The following PTPRD variants were observed in gnomAD, a reference collection of about 807,000 sequenced individuals.
PTPRD encodes protein tyrosine phosphatase receptor type D.
In PTPRD, 34 loss-of-function variants were observed where a neutral mutation model predicts 214.5. The observed-to-expected ratio is 0.16, with a 90% CI of 0.12 to 0.21. The LOEUF (loss-of-function observed/expected upper bound fraction) is 0.21. PTPRD is among the 10% of genes least tolerant of loss of function. The pLI is 1.00. For missense variants in PTPRD, 2,545 were observed against 2,398.7 expected, an observed-to-expected ratio of 1.06 and a Z score of -1.27; for synonymous variants, 1,128 against 845.7, an observed-to-expected ratio of 1.33 and a Z score of -5.79.
At chr9:9,842,439 G>A (rs372037319) in intron 5 of PTPRD, among the ~76,000 whole-genome samples, 12 of 150,012 alleles carry the variant, frequency 8.0e-5, no homozygotes, top group African/African-American at 2.7e-4. Flanking sequence ...AATATTGATA[G>A]CTATTAACCA....
chr9:8,400,501 A>C (rs1381803081), intron 36 of PTPRD, among the ~76,000 whole-genome samples: 2 of 152,210 alleles, frequency 1.3e-5, no homozygotes, highest in Non-Finnish European at 2.9e-5. Context: ...TAGGAAATGA[A>C]GTTCTAAAAC....
At position 9,946,108 on chromosome 9, in the gene PTPRD, G is replaced by C. The variant is rs546037805; in HGVS notation, c.-471-7498C>G. 2.4e-3 allele frequency among the ~76,000 whole-genome samples: 169 copies of C among 70,094 alleles called. 1 individual carries two copies. The highest frequency in any genetic ancestry group is 4.2e-3 in the South Asian group (9 of 2,146). The allele number at this position is 70,094 out of a possible 152,430, so 46.0% of individuals were successfully genotyped here. ...CAAGCTGGACACTGTTTACAGAGGA[G>C]TACTTAAATCTGCCATGCATACTAA... is the stretch of plus-strand genomic sequence containing the variant. On this transcript the variant is annotated intron_variant, in intron 4 of 45. Coordinates refer to ENST00000381196, the MANE Select transcript of PTPRD (RefSeq NM_002839.4).
intron 4 of PTPRD, among the ~76,000 whole-genome samples, chr9:9,958,540 C>A (rs1371665742): frequency 1.3e-5 from 2 of 151,952 alleles, no homozygotes; most frequent in African/African-American, 2.4e-5. Flanking sequence ...TCAAAAACAA[C>A]AACAACAGCA....
intron 2 of PTPRD, among the ~76,000 whole-genome samples, chr9:10,394,129 T>C (rs886284776): frequency 6.8e-6 from 1 of 146,040 alleles, no homozygotes; most frequent in Non-Finnish European, 1.5e-5. Flanking sequence ...TATACATATA[T>C]ATCTTTATAT....
At chr9:8,562,772 G>A (rs1475476639) in intron 14 of PTPRD, among the ~76,000 whole-genome samples, 1 of 151,660 alleles carries the variant, frequency 6.6e-6, no homozygotes, top group African/African-American at 2.4e-5. Context: ...TTAATGCAAT[G>A]TAGGTTATCA....
At chr9:9,789,698 G>A (rs1013072055) in intron 5 of PTPRD, among the ~76,000 whole-genome samples, 1 of 149,074 alleles carries the variant, frequency 6.7e-6, no homozygotes, top group African/African-American at 2.5e-5. Context: ...ACAGGAGGCT[G>A]AGGAAGGAGA....
intron 5 of PTPRD, among the ~76,000 whole-genome samples, chr9:9,911,139 C>G (rs1365331777): frequency 1.3e-5 from 2 of 152,024 alleles, no homozygotes; most frequent in South Asian, 4.1e-4. Context: ...CAGCCCCATC[C>G]TCTCCTTTAA....
chr9:10,595,586 A>G (rs964588819), intron 2 of PTPRD, among the ~76,000 whole-genome samples: 6 of 151,652 alleles, frequency 4.0e-5, no homozygotes, highest in African/African-American at 1.5e-4. Flanking sequence ...CTATGATTTA[A>G]ATATAATTTG....
chr9:9,915,951 T>C (rs2080642657), intron 5 of PTPRD, among the ~76,000 whole-genome samples: 1 of 151,844 alleles, frequency 6.6e-6, no homozygotes, highest in Non-Finnish European at 1.5e-5. Context: ...GGACAAATAA[T>C]TCTAAAAGCT....
chr9:10,423,121 A>C (rs2154516850), intron 2 of PTPRD, among the ~76,000 whole-genome samples: 1 of 152,252 alleles, frequency 6.6e-6, no homozygotes, highest in Admixed American at 6.5e-5. Context: ...AATACTATGC[A>C]GCCATAAAAA....
Position 9,113,839 on chromosome 9 carries a change from A to G in PTPRD, c.-143+69465T>C, listed in dbSNP as rs77710524. Among the ~76,000 whole-genome samples, 38 of 152,306 alleles carry G rather than the reference A, an allele frequency of 2.5e-4. No homozygotes were observed. In the East Asian group the frequency reaches 6.2e-3, roughly 25 times the overall value. On this transcript the variant is annotated intron_variant, in intron 10 of 45. Transcript: ENST00000381196. ...TCTGACCAAAAATGTAAAATGAAAG[A>G]AAATAAAAACTCAGTTCTCTTTATA...
chr9:9,226,397 CAGA>C (rs2099959495), intron 9 of PTPRD, among the ~76,000 whole-genome samples: 1 of 151,982 alleles, frequency 6.6e-6, no homozygotes, highest in Non-Finnish European at 1.5e-5. Flanking sequence ...CTATCTATCT[CAGA>C]AGACTCACTT....
intron 10 of PTPRD, among the ~76,000 whole-genome samples, chr9:9,056,625 C>T (rs2154397996): frequency 6.6e-6 from 1 of 152,250 alleles, no homozygotes; most frequent in African/African-American, 2.4e-5. Context: ...TTCCTAGGAC[C>T]ATTTCACTTT....
rs1222991483 is a variant in PTPRD at position 8,633,488 on chromosome 9, T to G, written c.211-30A>C. 4 of 1,606,572 alleles carry G rather than the reference T, an allele frequency of 2.5e-6. No homozygotes were observed. The South Asian group carries it at 4.5e-5, about 18-fold the overall frequency. On this transcript the variant is annotated intron_variant, in intron 13 of 45. Coordinates refer to ENST00000381196, the MANE Select transcript of PTPRD (RefSeq NM_002839.4). ...TAGAGGAAACAATAGCTGTCACAGG[T>G]GTTGTTACAATTGTCTACCTCTCAG...
intron 3 of PTPRD, among the ~76,000 whole-genome samples, chr9:10,272,834 AGAGAATACCACACATGTGT>A (rs1190892902): frequency 6.6e-6 from 1 of 152,224 alleles, no homozygotes; most frequent in Non-Finnish European, 1.5e-5. Flanking sequence ...AAGAGAACTG[AGAGAATACCACACATGTGT>A]GAATTTTTGA....
chr9:8,592,822 A>T (rs891850881), intron 14 of PTPRD, among the ~76,000 whole-genome samples: 12 of 152,234 alleles, frequency 7.9e-5, no homozygotes, highest in African/African-American at 2.9e-4. Flanking sequence ...CATAATATAG[A>T]CTCAACGAGA....
chr9:10,070,007 G>T (rs1452720492), intron 3 of PTPRD, among the ~76,000 whole-genome samples: 1 of 151,898 alleles, frequency 6.6e-6, no homozygotes, highest in Non-Finnish European at 1.5e-5. Context: ...CATATTCTTG[G>T]GGTGAAACCA....
chr9:9,527,782 T>C (rs2074476771), intron 8 of PTPRD, among the ~76,000 whole-genome samples: 1 of 152,198 alleles, frequency 6.6e-6, no homozygotes, highest in Admixed American at 6.5e-5. Flanking sequence ...ATAAAATATG[T>C]CTCTCTTTGA....
At chr9:10,218,158 A>G (rs2099550300) in intron 3 of PTPRD, among the ~76,000 whole-genome samples, 1 of 151,954 alleles carries the variant, frequency 6.6e-6, no homozygotes, top group African/African-American at 2.4e-5. Context: ...CAGCCTTTGC[A>G]TAGGCTTCTG....
Sources: allele counts gnomAD v4.1 joint callset (sites outside exome capture counted in the v4.1 genomes callset), GRCh38; gene constraint gnomAD v4.1.1; transcripts MANE v1.5; gene names NCBI Gene and HGNC (gene_info 2026-07-23, HGNC 2026-07-21).